SOCS6: variants seen among roughly 807,000 people sequenced by gnomAD.
SOCS6 encodes the protein suppressor of cytokine signaling 6.
Under a neutral mutation model 27.7 loss-of-function variants are expected in SOCS6, and 5 were observed. The ratio of observed to expected loss-of-function variants is 0.18; its 90% CI spans 0.09 to 0.38. The LOEUF (loss-of-function observed/expected upper bound fraction) is 0.38. SOCS6 is among the 10% of genes least tolerant of loss of function. The pLI, the probability that SOCS6 is intolerant of heterozygous loss-of-function variation, is 1.00. For synonymous variants in SOCS6, 271 were observed against 260.0 expected (o/e 1.04, Z -0.41); for missense variants, 595 against 688.1 (o/e 0.86, Z 1.51).
intron 1 of SOCS6, among the ~76,000 whole-genome samples, chr18:70,296,025 A>T (rs548185153): frequency 1.2e-4 from 19 of 152,346 alleles, no homozygotes; most frequent in African/African-American, 4.6e-4. Context: ...AGGCAGGAAC[A>T]GTATCTAAAA....
intron 1 of SOCS6, among the ~76,000 whole-genome samples, chr18:70,311,753 A>G (rs1207409513): frequency 4.6e-5 from 7 of 152,224 alleles, no homozygotes; most frequent in African/African-American, 7.2e-5. Context: ...TCTTTCCCCA[A>G]TAATGTGTAG....
At chr18:70,310,278 TG>T (rs150800425) in intron 1 of SOCS6, among the ~76,000 whole-genome samples, 12,770 of 149,318 alleles carry the variant, frequency 0.086, 606 homozygotes, top group African/African-American at 0.092. Context: ...TTTTCATAAA[TG>T]GTTTTTTTTT....
At chr18:70,304,772 C>A (rs1282286877) in intron 1 of SOCS6, among the ~76,000 whole-genome samples, 1 of 152,164 alleles carries the variant, frequency 6.6e-6, no homozygotes, top group South Asian at 2.1e-4. Context: ...TGTTTTGAAA[C>A]ACAAACACTT....
intron 1 of SOCS6, among the ~76,000 whole-genome samples, chr18:70,303,689 G>A (rs1452901899): frequency 2.0e-5 from 3 of 152,136 alleles, no homozygotes; most frequent in Admixed American, 6.5e-5. Context: ...GCTACAGGAG[G>A]CTGAGGCAGG....
At chr18:70,324,440 C>G (rs1911108112) in intron 1 of SOCS6, 103 bp from the exon 2 acceptor site, 1 of 378,006 alleles carries the variant, frequency 2.6e-6, no homozygotes, top group South Asian at 3.7e-5. Flanking sequence ...TAAGAAAAGA[C>G]TGGGGTGTTC....
rs1911241749 is a variant in SOCS6, at chr18:70,327,197, C to T, written c.*921C>T. 1 of 166,880 alleles carries T rather than the reference C, an allele frequency of 6.0e-6. No homozygotes were observed. The highest frequency in any genetic ancestry group is 2.4e-5 in the African/African-American group (1 of 41,394). The allele number at this position is 166,880 out of a possible 1,614,324, so 10.3% of individuals were successfully genotyped here. A position where few individuals can be genotyped will look rare whatever the true frequency, so the allele number is the denominator to read the frequency against. On this transcript the variant is annotated 3_prime_UTR_variant, in exon 2 of 2. Transcript: ENST00000397942. ...TTATCTGTGATTTCTTTAGCTTAGT[C>T]AACATTTTCTTGGGTGAACTTGATT...
intron 1 of SOCS6, among the ~76,000 whole-genome samples, chr18:70,290,513 C>T (rs2062293979): frequency 6.6e-6 from 1 of 152,182 alleles, no homozygotes; most frequent in African/African-American, 2.4e-5. Context: ...AATTTCTCCT[C>T]CTAGTGGGTT....
intron 1 of SOCS6, among the ~76,000 whole-genome samples, chr18:70,293,379 ATGATGTGTGTC>A (rs2062308721): frequency 6.6e-6 from 1 of 152,076 alleles, no homozygotes; most frequent in South Asian, 2.1e-4. Context: ...CTGTAGAGCT[ATGATGTGTGTC>A]TGAGTGACTC....
intron 1 of SOCS6, among the ~76,000 whole-genome samples, chr18:70,311,747 T>TC (rs1485144784): frequency 3.9e-5 from 6 of 152,246 alleles, no homozygotes; most frequent in Non-Finnish European, 7.3e-5. Flanking sequence ...ATAGCTTCTT[T>TC]CCCCAATAAT....
At chr18:70,320,116 G>A (rs1162546116) in intron 1 of SOCS6, among the ~76,000 whole-genome samples, 1 of 152,022 alleles carries the variant, frequency 6.6e-6, no homozygotes, top group Non-Finnish European at 1.5e-5. Flanking sequence ...AGCCTCCAGA[G>A]TAGCTGGGAT....
chr18:70,308,404 C>T (rs1170916760), intron 1 of SOCS6, among the ~76,000 whole-genome samples: 1 of 151,374 alleles, frequency 6.6e-6, no homozygotes, highest in African/African-American at 2.4e-5. Flanking sequence ...TAATTTTTTG[C>T]AACAACTAGG....
intron 1 of SOCS6, among the ~76,000 whole-genome samples, chr18:70,313,603 C>T (rs1025415143): frequency 1.3e-5 from 2 of 152,090 alleles, no homozygotes; most frequent in East Asian, 1.9e-4. Flanking sequence ...AAAGTTTCTC[C>T]CACCTACTCA....
chr18:70,309,343 G>T (rs1488075723), intron 1 of SOCS6, among the ~76,000 whole-genome samples: 1 of 152,074 alleles, frequency 6.6e-6, no homozygotes. Flanking sequence ...TGGAGTAAGG[G>T]TTTATTAGTC....
intron 1 of SOCS6, among the ~76,000 whole-genome samples, chr18:70,291,166 G>A (rs968636787): frequency 6.6e-6 from 1 of 152,154 alleles, no homozygotes; most frequent in South Asian, 2.1e-4. Context: ...GAGTGCAGTG[G>A]TGCAATCATG....
intron 1 of SOCS6, among the ~76,000 whole-genome samples, chr18:70,308,763 A>G (rs2062379043): frequency 2.0e-5 from 3 of 152,102 alleles, no homozygotes; most frequent in African/African-American, 7.2e-5. Flanking sequence ...ATATGTGTTT[A>G]CAATTGCTGT....
intron 1 of SOCS6, among the ~76,000 whole-genome samples, chr18:70,309,467 T>G (rs920041633): frequency 5.3e-5 from 8 of 152,224 alleles, no homozygotes; most frequent in Non-Finnish European, 7.3e-5. Flanking sequence ...TCTTTTGTGT[T>G]AAGTGCATAT....
intron 1 of SOCS6, among the ~76,000 whole-genome samples, chr18:70,321,486 ATTTTTTT>A (rs765150837): frequency 0.068 from 7,647 of 112,622 alleles, 272 homozygotes; most frequent in South Asian, 0.1. Flanking sequence ...ATGCCTGGCT[ATTTTTTT>A]TTTTTTTTTT....
chr18:70,313,073 C>G (rs538170607), intron 1 of SOCS6, among the ~76,000 whole-genome samples: 1 of 152,168 alleles, frequency 6.6e-6, no homozygotes, highest in Admixed American at 6.5e-5. Flanking sequence ...AGCCACCACA[C>G]CGGGTCCATG....
At chr18:70,297,761 A>G (rs1298433257) in intron 1 of SOCS6, among the ~76,000 whole-genome samples, 1 of 152,214 alleles carries the variant, frequency 6.6e-6, no homozygotes, top group Non-Finnish European at 1.5e-5. Context: ...CTTCAGCGCT[A>G]ATGATCAATG....
Sources: allele counts gnomAD v4.1 joint callset (sites outside exome capture counted in the v4.1 genomes callset), GRCh38; gene constraint gnomAD v4.1.1; transcripts MANE v1.5; gene names NCBI Gene and HGNC (gene_info 2026-07-23, HGNC 2026-07-21).